Variants in SH3BGRL3 observed in about 807,000 individuals in gnomAD.
The protein encoded by SH3BGRL3 is SH3 domain binding glutamate rich protein like 3.
SH3BGRL3 carries 8 observed loss-of-function variants against 11.9 expected under a neutral mutation model. The observed-to-expected ratio is 0.67, with a 90% CI of 0.40 to 1.22. The LOEUF (loss-of-function observed/expected upper bound fraction) is 1.22. Among genes scored for constraint, SH3BGRL3 ranks in the 50% most tolerant of loss-of-function variants. The pLI, the probability that SH3BGRL3 is intolerant of heterozygous loss-of-function variation, is 0.01. For missense variants in SH3BGRL3, 119 were observed against 120.1 expected (o/e 0.99, Z 0.04); for synonymous variants, 55 against 52.3 (o/e 1.05, Z -0.22).
chr1:26,280,630 G>T, intron 1 of SH3BGRL3, 135 bp from the exon 2 acceptor site: 1 of 1,047,154 alleles, frequency 9.5e-7, no homozygotes. Flanking sequence ...ACTCCTAGAG[G>T]CCAGAACCCT....
intron 1 of SH3BGRL3, 112 bp downstream of exon 1, chr1:26,280,315 C>A: frequency 7.9e-7 from 1 of 1,260,494 alleles, no homozygotes; most frequent in Non-Finnish European, 1.1e-6. Context: ...GGGGGGAGTG[C>A]GTCGGCGAGG....
At position 26,280,269 on chromosome 1, in the gene SH3BGRL3, A is replaced by AGCGCCCGGGACCC. The variant is rs2072952495; in HGVS notation, c.48+67_48+79dup. The AGCGCCCGGGACCC allele has an allele frequency of 2.8e-6, 4 of 1,425,432 alleles. No individual in the cohort carries two copies. In the East Asian group the frequency reaches 1.1e-4, roughly 39 times the overall value. The allele number at this position is 1,425,432 out of a possible 1,614,324, so 88.3% of individuals were successfully genotyped here. A position where few individuals can be genotyped will look rare whatever the true frequency, so the allele number is the denominator to read the frequency against. On this transcript the variant is annotated intron_variant, in intron 1 of 2. Coordinates refer to ENST00000270792, the MANE Select transcript of SH3BGRL3 (RefSeq NM_031286.4). Reference sequence around the variant, plus strand: ...GCTGTATCCCGGTGCTTTGGACCCTAGCGCCCGGGACCCACCCCCAGGACG... The same window carrying AGCGCCCGGGACCC: ...GCTGTATCCCGGTGCTTTGGACCCTAGCGCCCGGGACCCGCGCCCGGGACCCACCCCCAGGACG...
chr1:26,280,417 T>G (rs900388602), intron 1 of SH3BGRL3, among the ~76,000 whole-genome samples: 2 of 151,896 alleles, frequency 1.3e-5, no homozygotes, highest in African/African-American at 4.8e-5. Flanking sequence ...CGGCATGAAC[T>G]TCCCGTGCCC....
Position 26,281,396 on chromosome 1 carries a change from A to C in SH3BGRL3, c.*273A>C. 1.0e-5 allele frequency: 4 copies of C among 398,586 alleles called. No individual in the cohort carries two copies. The highest frequency in any genetic ancestry group is 4.1e-5 in the Admixed American group (1 of 24,580). 24.7% of individuals were successfully genotyped at this position (398,586 alleles called of 1,614,324 possible). A position where few individuals can be genotyped will look rare whatever the true frequency, so the allele number is the denominator to read the frequency against. ...CCCCCAGCCAAGCATTGGGGCCGCCATCCTGCCTGGCACTGGCTGATGGGC... is the reference window on the plus strand; with the variant it reads ...CCCCCAGCCAAGCATTGGGGCCGCCCTCCTGCCTGGCACTGGCTGATGGGC... On this transcript the variant is annotated 3_prime_UTR_variant, in exon 3 of 3. Transcript: ENST00000270792.
chr1:26,280,773 C>T lies in SH3BGRL3; in HGVS notation c.57C>T (p.Ser19=), dbSNP rs1167253943. Residue 19 remains serine (S), a synonymous_variant, in exon 2 of 3, where the codon TCC becomes TCT. Coordinates refer to ENST00000270792, the MANE Select transcript of SH3BGRL3 (RefSeq NM_031286.4). ...TSVTGSREIK[S]QQSEVTRILD... ...CCACCCTCTGTCCCCAGATCAAGTC[C>T]CAGCAGAGCGAGGTGACCCGAATCC... 2.5e-6 allele frequency: 4 copies of T among 1,613,906 alleles called. No homozygotes were observed. In the Admixed American group the frequency reaches 5.0e-5, roughly 20 times the overall value.
chr1:26,280,975 G>A lies in SH3BGRL3; in HGVS notation c.216+43G>A, dbSNP rs370185474. The A allele has an allele frequency of 4.4e-6, 7 of 1,606,864 alleles. No homozygotes were observed. In the African/African-American group the frequency reaches 8.0e-5, roughly 18 times the overall value. On this transcript the variant is annotated intron_variant, in intron 2 of 2. Coordinates refer to ENST00000270792, the MANE Select transcript of SH3BGRL3 (RefSeq NM_031286.4). ...GGGGGGTGGGGGGAGTGTTGGAAGA[G>A]GACTCTAGCCAGGGTCATATCTGCC...
At position 26,280,950 on chromosome 1, in the gene SH3BGRL3, G is replaced by T; in HGVS notation, c.216+18G>T. 1.3e-6 allele frequency: 2 copies of T among 1,597,058 alleles called. No individual in the cohort carries two copies. The highest frequency in any genetic ancestry group is 1.7e-6 in the Non-Finnish European group (2 of 1,167,080). ...ACTGTGGGGTATGGGCTGGGGGACG[G>T]GGGGGTGGGGGGAGTGTTGGAAGAG... On this transcript the variant is annotated intron_variant, in intron 2 of 2. Transcript: ENST00000270792.
In SH3BGRL3 at chr1:26,280,214, G is replaced by A. The variant is rs368252672; in HGVS notation, c.48+11G>A. 4 of 1,520,736 alleles carry A rather than the reference G, an allele frequency of 2.6e-6. No individual in the cohort carries two copies. The highest frequency in any genetic ancestry group is 2.2e-5 in the Admixed American group (1 of 45,296). 94.2% of individuals were successfully genotyped at this position (1,520,736 alleles called of 1,614,324 possible). On this transcript the variant is annotated intron_variant, in intron 1 of 2. Coordinates refer to ENST00000270792, the MANE Select transcript of SH3BGRL3 (RefSeq NM_031286.4). ...ACCGGCTCCCGCGAAGTAAGTGCGC[G>A]CCCGGACTGGCGCTGGGGGAAAGCG... is the stretch of plus-strand genomic sequence containing the variant.
In SH3BGRL3 at chr1:26,280,938, G is replaced by C; in HGVS notation, c.216+6G>C. On this transcript the variant is annotated splice_donor_region_variant and intron_variant, in intron 2 of 2. Coordinates refer to ENST00000270792, the MANE Select transcript of SH3BGRL3 (RefSeq NM_031286.4). Reference sequence around the variant, plus strand: ...ACGGGGACCAGTACTGTGGGGTATGGGCTGGGGGACGGGGGGGTGGGGGGA... The same window carrying C: ...ACGGGGACCAGTACTGTGGGGTATGCGCTGGGGGACGGGGGGGTGGGGGGA... The C allele has an allele frequency of 6.2e-7, 1 of 1,609,382 alleles. No homozygotes were observed. The highest frequency in any genetic ancestry group is 8.5e-7 in the Non-Finnish European group (1 of 1,177,134).
rs756912192 is a variant in SH3BGRL3 at position 26,280,142 on chromosome 1, T to C, written c.-14T>C. ...GCCGCCCTCTGCCCGCCGGCCCGTCTGTCTACCCCCAGCATGAGCGGCCTG... is the reference window on the plus strand; with the variant it reads ...GCCGCCCTCTGCCCGCCGGCCCGTCCGTCTACCCCCAGCATGAGCGGCCTG... On this transcript the variant is annotated 5_prime_UTR_variant, in exon 1 of 3. Coordinates refer to ENST00000270792, the MANE Select transcript of SH3BGRL3 (RefSeq NM_031286.4). 1.9e-5 allele frequency: 29 copies of C among 1,564,524 alleles called. No individual in the cohort carries two copies. Among genetic ancestry groups the C allele is most frequent in the Non-Finnish European group, 2.4e-5 (28 of 1,156,090 alleles).
In SH3BGRL3 at chr1:26,281,315, TTCC is replaced by T; in HGVS notation, c.*194_*196del. 2 of 551,818 alleles carry T rather than the reference TTCC, an allele frequency of 3.6e-6. No homozygotes were observed. Among genetic ancestry groups the T allele is most frequent in the Middle Eastern group, 9.5e-4 (2 of 2,104 alleles). The allele number at this position is 551,818 out of a possible 1,614,324, so 34.2% of individuals were successfully genotyped here. ...CCCTCTCCTCCATCTAAAGGCAACATTCCTTACCCATTAGTCTCAGAAATTGTC... is the reference window on the plus strand; with the variant it reads ...CCCTCTCCTCCATCTAAAGGCAACATTTACCCATTAGTCTCAGAAATTGTC... On this transcript the variant is annotated 3_prime_UTR_variant, in exon 3 of 3. Transcript: ENST00000270792.
At chr1:26,280,327 G>A (rs2072956242) in intron 1 of SH3BGRL3, 124 bp downstream of exon 1, 5 of 1,160,266 alleles carry the variant, frequency 4.3e-6, no homozygotes, top group East Asian at 6.0e-5. Context: ...TCGGCGAGGT[G>A]CTGGGCACGG....
Position 26,280,848 on chromosome 1 carries a change from C to T in SH3BGRL3, c.132C>T (p.Asn44=), listed in dbSNP as rs756222107. The T allele has an allele frequency of 7.4e-6, 12 of 1,613,952 alleles. No homozygotes were observed. In the Admixed American group the frequency reaches 8.3e-5, roughly 11 times the overall value. The change falls in exon 2 of 3, where the codon AAC becomes AAT. Residue 44 remains asparagine, a synonymous_variant. Coordinates refer to ENST00000270792, the MANE Select transcript of SH3BGRL3 (RefSeq NM_031286.4). The part of the protein sequence containing the change: ...QYQLVDISQD[N]ALRDEMRALA... Reference sequence around the variant, plus strand: ...AGCTAGTGGACATCTCCCAGGACAACGCCCTGAGGGATGAGATGCGAGCCT... The same window carrying T: ...AGCTAGTGGACATCTCCCAGGACAATGCCCTGAGGGATGAGATGCGAGCCT...
chr1:26,280,119 C>T lies in SH3BGRL3; in HGVS notation c.-37C>T, dbSNP rs767473927. The T allele has an allele frequency of 5.8e-6, 9 of 1,550,550 alleles. No individual in the cohort carries two copies. The African/African-American group carries it at 9.6e-5, about 17-fold the overall frequency. On this transcript the variant is annotated 5_prime_UTR_variant, in exon 1 of 3. Transcript: ENST00000270792. ...CCGGCAGTGCAGCTGCCGCTACCGC[C>T]GCCCTCTGCCCGCCGGCCCGTCTGT...
At chr1:26,280,716 A>G (rs1184069451) in intron 1 of SH3BGRL3, 49 bp from the exon 2 acceptor site, 1 of 1,601,330 alleles carries the variant, frequency 6.2e-7, no homozygotes, top group Non-Finnish European at 8.5e-7. Context: ...CATTTCCCCC[A>G]TAAATCCTCC....
At chr1:26,280,977 A>C (rs780839646) in intron 2 of SH3BGRL3, 45 bp downstream of exon 2, 4 of 1,606,100 alleles carry the variant, frequency 2.5e-6, no homozygotes, top group Non-Finnish European at 2.6e-6. Flanking sequence ...TTGGAAGAGG[A>C]CTCTAGCCAG....
intron 1 of SH3BGRL3, 76 bp from the exon 2 acceptor site, chr1:26,280,689 T>A: frequency 6.4e-7 from 1 of 1,554,156 alleles, no homozygotes; most frequent in Non-Finnish European, 8.8e-7. Flanking sequence ...GGTCACAGCC[T>A]CTCTCACCCT....
Position 26,280,092 on chromosome 1 carries a change from TC to T in SH3BGRL3, c.-61del. The stretch of plus-strand genomic sequence containing the variant: ...TCCCGAGCACGGCGGCGGCGTCGTC[TC>T]CCGGCAGTGCAGCTGCCGCTACCGC... On this transcript the variant is annotated 5_prime_UTR_variant, in exon 1 of 3. Coordinates refer to ENST00000270792, the MANE Select transcript of SH3BGRL3 (RefSeq NM_031286.4). 6.5e-7 allele frequency: 1 copy of T among 1,535,156 alleles called. No individual in the cohort carries two copies. Among genetic ancestry groups the T allele is most frequent in the Non-Finnish European group, 8.8e-7 (1 of 1,136,026 alleles).
In SH3BGRL3 at chr1:26,280,141, C is replaced by CT; in HGVS notation, c.-14dup. 6.4e-7 allele frequency: 1 copy of CT among 1,563,784 alleles called. No individual in the cohort carries two copies. Among genetic ancestry groups the CT allele is most frequent in the Non-Finnish European group, 8.7e-7 (1 of 1,155,706 alleles). ...CGCCGCCCTCTGCCCGCCGGCCCGTCTGTCTACCCCCAGCATGAGCGGCCT... is the reference window on the plus strand; with the variant it reads ...CGCCGCCCTCTGCCCGCCGGCCCGTCTTGTCTACCCCCAGCATGAGCGGCCT... On this transcript the variant is annotated 5_prime_UTR_variant, in exon 1 of 3. Coordinates refer to ENST00000270792, the MANE Select transcript of SH3BGRL3 (RefSeq NM_031286.4).
Sources: allele counts gnomAD v4.1 joint callset (sites outside exome capture counted in the v4.1 genomes callset), GRCh38; gene constraint gnomAD v4.1.1; transcripts MANE v1.5; gene names NCBI Gene and HGNC (gene_info 2026-07-23, HGNC 2026-07-21).